HS6ST3: variants seen among roughly 807,000 people sequenced by gnomAD.
The protein encoded by HS6ST3 is heparan sulfate 6-O-sulfotransferase 3.
Under a neutral mutation model 36.7 loss-of-function variants are expected in HS6ST3, and 12 were observed. That is an observed-to-expected ratio of 0.33 (90% CI 0.21 to 0.53). HS6ST3 has a LOEUF of 0.53. Among genes scored for constraint, HS6ST3 ranks in the 20% least tolerant of loss-of-function variants. The pLI is 0.95. For synonymous variants in HS6ST3, 240 were observed against 257.5 expected (o/e 0.93, Z 0.65); for missense variants, 584 against 640.9 (o/e 0.91, Z 0.96).
chr13:96,781,102 T>C (rs1877514748), intron 1 of HS6ST3, among the ~76,000 whole-genome samples: 1 of 152,188 alleles, frequency 6.6e-6, no homozygotes, highest in African/African-American at 2.4e-5. Flanking sequence ...CGCTCATTCT[T>C]CCATCTCTCC....
At chr13:96,466,326 A>G (rs986902955) in intron 1 of HS6ST3, among the ~76,000 whole-genome samples, 15 of 152,120 alleles carry the variant, frequency 9.9e-5, no homozygotes, top group African/African-American at 3.4e-4. Context: ...CAAGTGTACA[A>G]TTCGATTACT....
rs1352454161 is a variant in HS6ST3, at chr13:96,327,100, T to A, written c.707+235531T>A. 3.7e-3 allele frequency among the ~76,000 whole-genome samples: 536 copies of A among 145,800 alleles called. 5 individuals are homozygous for A. The highest frequency in any genetic ancestry group is 0.013 in the African/African-American group (511 of 38,922). On this transcript the variant is annotated intron_variant, in intron 1 of 1. Transcript: ENST00000376705. ...ATTAGCCCTTTGTCAGATGAGTAGG[T>A]TGTGAAAATTTTCTCCCATTTTGTA... is the stretch of plus-strand genomic sequence containing the variant.
chr13:96,771,220 A>G (rs1368133378), intron 1 of HS6ST3, among the ~76,000 whole-genome samples: 1 of 139,738 alleles, frequency 7.2e-6, no homozygotes, highest in Non-Finnish European at 1.5e-5. Context: ...GAATTGAACA[A>G]TGAGAACACT....
intron 1 of HS6ST3, among the ~76,000 whole-genome samples, chr13:96,509,288 T>C (rs1487178483): frequency 6.6e-6 from 1 of 152,186 alleles, no homozygotes; most frequent in Non-Finnish European, 1.5e-5. Context: ...AAATATTTTC[T>C]CCCATTCTGT....
At chr13:96,454,876 A>G (rs901835287) in intron 1 of HS6ST3, among the ~76,000 whole-genome samples, 5 of 27,826 alleles carry the variant, frequency 1.8e-4, no homozygotes, top group Non-Finnish European at 8.4e-4. Flanking sequence ...TTGAACTCTA[A>G]AAAAAAAAAA....
chr13:96,765,588 T>TTCTCTCTCTCTCTCTCTCTCTCTCTC (rs58979172), intron 1 of HS6ST3, among the ~76,000 whole-genome samples: 1 of 142,596 alleles, frequency 7.0e-6, no homozygotes, highest in Non-Finnish European at 1.5e-5. Context: ...CTCTCTCTCT[T>TTCTCTCTCTCTCTCTCTCTCTCTCTC]TCTCTCTCTC....
At chr13:96,522,870 T>G (rs1460279688) in intron 1 of HS6ST3, among the ~76,000 whole-genome samples, 1 of 152,210 alleles carries the variant, frequency 6.6e-6, no homozygotes, top group Non-Finnish European at 1.5e-5. Context: ...CATTTAAGGT[T>G]AATATTGTTA....
intron 1 of HS6ST3, among the ~76,000 whole-genome samples, chr13:96,126,443 T>C (rs2053951627): frequency 6.6e-6 from 1 of 152,192 alleles, no homozygotes; most frequent in Non-Finnish European, 1.5e-5. Flanking sequence ...AGGAATTTAC[T>C]AAGACAGTTG....
chr13:96,107,126 T>G (rs1273294064), intron 1 of HS6ST3, among the ~76,000 whole-genome samples: 2 of 152,146 alleles, frequency 1.3e-5, no homozygotes, highest in African/African-American at 4.8e-5. Flanking sequence ...AGCAAGGATA[T>G]GAGGTTGGGT....
At chr13:96,221,730 T>G (rs1389856553) in intron 1 of HS6ST3, among the ~76,000 whole-genome samples, 1 of 152,138 alleles carries the variant, frequency 6.6e-6, no homozygotes, top group East Asian at 1.9e-4. Context: ...ACAAGGCTAT[T>G]GACACATAAC....
intron 1 of HS6ST3, among the ~76,000 whole-genome samples, chr13:96,524,224 C>G (rs879640679): frequency 1.3e-5 from 2 of 152,144 alleles, no homozygotes; most frequent in Admixed American, 6.5e-5. Flanking sequence ...GATCCTTCCT[C>G]TGGAAGCTTC....
chr13:96,470,574 C>T (rs866188408), intron 1 of HS6ST3, among the ~76,000 whole-genome samples: 2 of 152,276 alleles, frequency 1.3e-5, no homozygotes, highest in Middle Eastern at 3.4e-3. Context: ...CATTGTCATC[C>T]TGTGTATACG....
intron 1 of HS6ST3, among the ~76,000 whole-genome samples, chr13:96,442,152 G>T (rs573913570): frequency 2.6e-5 from 4 of 151,900 alleles, no homozygotes; most frequent in South Asian, 2.1e-4. Context: ...CTCCCAAGTG[G>T]CTGGGACGAC....
At chr13:96,387,033 A>G (rs1308195933) in intron 1 of HS6ST3, among the ~76,000 whole-genome samples, 1 of 151,976 alleles carries the variant, frequency 6.6e-6, no homozygotes, top group African/African-American at 2.4e-5. Flanking sequence ...GGCTCAGGTG[A>G]TCCTCGTGCT....
intron 1 of HS6ST3, among the ~76,000 whole-genome samples, chr13:96,763,351 A>C (rs56061016): frequency 2.0e-5 from 3 of 150,230 alleles, no homozygotes; most frequent in Non-Finnish European, 4.4e-5. Context: ...ACTAGCAGGG[A>C]GTCATGGCAC....
intron 1 of HS6ST3, among the ~76,000 whole-genome samples, chr13:96,762,425 A>G (rs561507206): frequency 6.6e-6 from 1 of 152,350 alleles, no homozygotes; most frequent in Non-Finnish European, 1.5e-5. Flanking sequence ...GGTTGCAGTG[A>G]GCCGATACAG....
chr13:96,638,177 T>C (rs180973645), intron 1 of HS6ST3, among the ~76,000 whole-genome samples: 11 of 152,180 alleles, frequency 7.2e-5, no homozygotes, highest in Non-Finnish European at 1.0e-4. Context: ...TCTTACCTAC[T>C]TACCTATCAT....
chr13:96,208,707 C>G (rs1164277031), intron 1 of HS6ST3, among the ~76,000 whole-genome samples: 1 of 152,060 alleles, frequency 6.6e-6, no homozygotes, highest in African/African-American at 2.4e-5. Flanking sequence ...ATCCGAAACA[C>G]AATATTAGAC....
intron 1 of HS6ST3, among the ~76,000 whole-genome samples, chr13:96,220,450 C>T (rs1248744622): frequency 2.6e-5 from 4 of 152,042 alleles, no homozygotes; most frequent in South Asian, 2.1e-4. Flanking sequence ...CACAGTCATC[C>T]GAAGTCATTT....
Sources: allele counts gnomAD v4.1 joint callset (sites outside exome capture counted in the v4.1 genomes callset), GRCh38; gene constraint gnomAD v4.1.1; transcripts MANE v1.5; gene names NCBI Gene and HGNC (gene_info 2026-07-23, HGNC 2026-07-21).